The following JAZF1 variants were observed in gnomAD, a reference collection of about 807,000 sequenced individuals.
JAZF1 encodes the protein JAZF zinc finger 1, also known as juxtaposed with another zinc finger protein 1.
Under a neutral mutation model 26.4 loss-of-function variants are expected in JAZF1, and 8 were observed. The observed-to-expected ratio is 0.30, with a 90% CI of 0.18 to 0.55. The LOEUF (loss-of-function observed/expected upper bound fraction) is 0.55. JAZF1 is among the 20% of genes least tolerant of loss of function. JAZF1 has a pLI of 0.94. For missense variants in JAZF1, 199 were observed against 322.0 expected (o/e 0.62, Z 2.92); for synonymous variants, 126 against 122.3 (o/e 1.03, Z -0.20).
intron 2 of JAZF1, among the ~76,000 whole-genome samples, chr7:27,970,891 G>A (rs1266309034): frequency 6.6e-6 from 1 of 152,064 alleles, no homozygotes; most frequent in African/African-American, 2.4e-5. Context: ...CAGTCCACAG[G>A]CTTCACAAGT....
At chr7:28,053,976 C>T (rs1288788210) in intron 1 of JAZF1, among the ~76,000 whole-genome samples, 1 of 152,198 alleles carries the variant, frequency 6.6e-6, no homozygotes, top group African/African-American at 2.4e-5. Context: ...TATGCTCCTT[C>T]CAGGATTAAA....
chr7:28,088,666 G>T (rs993571668), intron 1 of JAZF1, among the ~76,000 whole-genome samples: 1 of 152,144 alleles, frequency 6.6e-6, no homozygotes, highest in South Asian at 2.1e-4. Context: ...AGAAAAGGGG[G>T]CCTGTCTCCA....
intron 3 of JAZF1, among the ~76,000 whole-genome samples, chr7:27,857,066 C>A (rs1783272932): frequency 6.6e-6 from 1 of 152,244 alleles, no homozygotes. Flanking sequence ...ACTCCTCAGC[C>A]CTTGGGTGGT....
chr7:27,906,454 C>T (rs1342741731), intron 2 of JAZF1, among the ~76,000 whole-genome samples: 1 of 152,206 alleles, frequency 6.6e-6, no homozygotes, highest in Non-Finnish European at 1.5e-5. Context: ...AACAAAATCC[C>T]ATTCCTGAAT....
chr7:27,871,940 C>T (rs34015232), intron 3 of JAZF1, among the ~76,000 whole-genome samples: 34,441 of 152,008 alleles, frequency 0.23, 4,134 homozygotes, highest in Middle Eastern at 0.31. Context: ...GCATGTGCTC[C>T]GTTCAGCGGG....
At chr7:28,058,374 G>A (rs1000139846) in intron 1 of JAZF1, among the ~76,000 whole-genome samples, 1 of 152,134 alleles carries the variant, frequency 6.6e-6, no homozygotes, top group African/African-American at 2.4e-5. Flanking sequence ...ATGAGGACAA[G>A]CCAGAACCTG....
intron 1 of JAZF1, among the ~76,000 whole-genome samples, chr7:28,110,077 T>A (rs1305302577): frequency 1.3e-5 from 2 of 151,536 alleles, no homozygotes; most frequent in Non-Finnish European, 2.9e-5. Flanking sequence ...TCCTGAAGAG[T>A]TAAAATTTTA....
chr7:28,176,577 C>T (rs515013), intron 1 of JAZF1, among the ~76,000 whole-genome samples: 134,910 of 152,210 alleles, frequency 0.89, 59,897 homozygotes, highest in East Asian at 1. Flanking sequence ...TATCACATAC[C>T]TCAATTGTTT....
chr7:27,914,310 T>A (rs1784409651), intron 2 of JAZF1, among the ~76,000 whole-genome samples: 1 of 152,124 alleles, frequency 6.6e-6, no homozygotes, highest in Non-Finnish European at 1.5e-5. Context: ...CTTCAAATGC[T>A]GCTAACAGCC....
chr7:28,005,415 A>T (rs990487727), intron 1 of JAZF1, among the ~76,000 whole-genome samples: 4 of 132,648 alleles, frequency 3.0e-5, no homozygotes, highest in Non-Finnish European at 6.4e-5. Flanking sequence ...ATCATTGCTT[A>T]AAAAAAAAAA....
intron 2 of JAZF1, among the ~76,000 whole-genome samples, chr7:27,951,715 T>A (rs1407169716): frequency 6.6e-6 from 1 of 152,324 alleles, no homozygotes; most frequent in East Asian, 1.9e-4. Context: ...GAACACAGCA[T>A]TGGTCCCACA....
At chr7:28,170,917 T>G (rs1273352865) in intron 1 of JAZF1, among the ~76,000 whole-genome samples, 1 of 152,224 alleles carries the variant, frequency 6.6e-6, no homozygotes, top group Admixed American at 6.5e-5. Context: ...CCTGGCTTCC[T>G]CCTGCGTCGC....
rs575251004 is a variant in JAZF1 at position 28,032,968 on chromosome 7, C to T, written c.116-40987G>A. The stretch of plus-strand genomic sequence containing the variant: ...GGAGGCGAAAGCAACCCAACACAAA[C>T]GTGTGTGCCCAAGCATCTCCTCTCA... On this transcript the variant is annotated intron_variant, in intron 1 of 4. Transcript: ENST00000283928. 1.1e-4 allele frequency among the ~76,000 whole-genome samples: 16 copies of T among 152,290 alleles called. No homozygotes were observed. The South Asian group carries it at 2.5e-3, about 24-fold the overall frequency.
intron 3 of JAZF1, among the ~76,000 whole-genome samples, chr7:27,858,154 C>T (rs929144007): frequency 3.3e-5 from 5 of 152,212 alleles, no homozygotes; most frequent in Admixed American, 3.3e-4. Context: ...TAATAAAATA[C>T]CTAGGAATAA....
chr7:27,968,774 T>A (rs182653750), intron 2 of JAZF1, among the ~76,000 whole-genome samples: 1 of 152,188 alleles, frequency 6.6e-6, no homozygotes, highest in African/African-American at 2.4e-5. Flanking sequence ...CCAGGAGAAC[T>A]GTACATCACT....
At chr7:27,915,020 C>T (rs567963690) in intron 2 of JAZF1, among the ~76,000 whole-genome samples, 59 of 152,306 alleles carry the variant, frequency 3.9e-4, no homozygotes, top group Non-Finnish European at 6.9e-4. Flanking sequence ...AGATGGCAAC[C>T]ACCAGCCATT....
chr7:28,092,605 G>A (rs1313804799), intron 1 of JAZF1, among the ~76,000 whole-genome samples: 1 of 152,112 alleles, frequency 6.6e-6, no homozygotes, highest in Non-Finnish European at 1.5e-5. Context: ...CACTTTGGGA[G>A]GCTGAGGCAG....
chr7:27,931,945 A>T lies in JAZF1; in HGVS notation c.189-36529T>A, dbSNP rs148209573. ...TAAATAAATAAAAAATAAAAAAATT[A>T]AAAAAATCAGGTTTGGGTGACTTCT... On this transcript the variant is annotated intron_variant, in intron 2 of 4. Transcript: ENST00000283928. Among the ~76,000 whole-genome samples the T allele has an allele frequency of 8.6e-3, 1,312 of 152,272 alleles. 17 individuals carry two copies. Among genetic ancestry groups the T allele is most frequent in the Middle Eastern group, 0.027 (8 of 292 alleles).
chr7:28,027,513 G>A (rs987207426), intron 1 of JAZF1, among the ~76,000 whole-genome samples: 1 of 152,150 alleles, frequency 6.6e-6, no homozygotes, highest in African/African-American at 2.4e-5. Context: ...ACTGCCCCAT[G>A]AAATGCAAAA....
Sources: gnomAD v4.1 joint callset for allele counts (sites outside exome capture counted in the v4.1 genomes callset) on GRCh38, gnomAD v4.1.1 for gene constraint, MANE v1.5 for transcripts, NCBI Gene and HGNC (gene_info 2026-07-23, HGNC 2026-07-21) for gene names.